The following FLNA variants were observed in gnomAD, a reference collection of about 807,000 sequenced individuals.
FLNA encodes filamin-A.
In FLNA, 7 loss-of-function variants were observed where a neutral mutation model predicts 157.6. That is an observed-to-expected ratio of 0.04 (90% CI 0.03 to 0.08). The LOEUF (loss-of-function observed/expected upper bound fraction) is 0.08, where lower values mean the gene tolerates loss of function less well. Among genes scored for constraint, FLNA ranks in the 10% least tolerant of loss-of-function variants. FLNA has a pLI of 1.00. For synonymous variants in FLNA, 1,103 were observed against 1,060.8 expected (o/e 1.04, Z -0.77); for missense variants, 1,750 against 2,398.4 (o/e 0.73, Z 5.65).
chrX:154,367,604 G>A (rs1557179576), intron 4 of FLNA, 37 bp downstream of exon 4: 11 of 1,209,048 alleles, frequency 9.1e-6, no homozygotes, highest in Admixed American at 6.5e-5. Context: ...CTGCCGATCC[G>A]GTCCCCTACA....
At chrX:154,367,573 G>C (rs782328693) in intron 4 of FLNA, 29 bp from the exon 5 acceptor site, 2 of 1,209,699 alleles carry the variant, frequency 1.7e-6, no homozygotes. Flanking sequence ...AGGAGCCATC[G>C]GGCCTCCGAG....
At chrX:154,363,897 A>G in intron 15 of FLNA, 125 bp downstream of exon 15, 1 of 704,388 alleles carries the variant, frequency 1.4e-6, no homozygotes, top group Admixed American at 2.2e-5. Flanking sequence ...AAAGCAGGTT[A>G]GTGGTCACCA....
chrX:154,359,618 G>A lies in FLNA; in HGVS notation c.4008C>T (p.Asp1336=), dbSNP rs782173575. ...AGGGGCTGCTGGGCACGGGACTGCC[G>A]TCATAGGTCACGTCCACGGAGTGCA... The part of the protein sequence containing the change: ...EGLHSVDVTY[D]GSPVPSSPFQ... The change falls in exon 24 of 48, where the codon GAC becomes GAT. Residue 1336 remains aspartate (D), a synonymous_variant. Coordinates refer to ENST00000369850, the MANE Select transcript of FLNA (RefSeq NM_001110556.2). The A allele has an allele frequency of 2.0e-5, 24 of 1,209,533 alleles. No homozygotes were observed. Among genetic ancestry groups the A allele is most frequent in the East Asian group, 5.9e-5 (2 of 33,764 alleles).
rs782806731 is a variant in FLNA, at chrX:154,354,260, C to T, written c.5448G>A (p.Ala1816=). ...CTTTGTTGTCAGTGATGGTGGGCTGCGCCACCTTGCCTGAGGGCATCCGAA... is the reference window on the plus strand; with the variant it reads ...CTTTGTTGTCAGTGATGGTGGGCTGTGCCACCTTGCCTGAGGGCATCCGAA... ...GEVRMPSGKV[A]QPTITDNKDG... is the part of the protein sequence containing the mutation. Residue 1816 remains alanine (A), a synonymous_variant, in exon 34 of 48, where the codon GCG becomes GCA. Transcript: ENST00000369850. The T allele has an allele frequency of 2.1e-5, 26 of 1,211,661 alleles. No individual in the cohort carries two copies. Among genetic ancestry groups the T allele is most frequent in the Admixed American group, 2.0e-4 (9 of 46,150 alleles).
intron 44 of FLNA, chrX:154,350,486 C>A (rs955747857): frequency 2.4e-5 from 10 of 415,591 alleles, no homozygotes; most frequent in Admixed American, 4.1e-5. Context: ...AACACCATAT[C>A]CCCTGCATGT....
Position 154,353,289 on chromosome X carries a change from C to T in FLNA, c.6022+7G>A, listed in dbSNP as rs782483397. On this transcript the variant is annotated splice_region_variant and intron_variant, in intron 37 of 47. Transcript: ENST00000369850. ...TTCTGAACCCCCTGGACCCTTCAGCCGCTTACCCACGTGGCCATTACGCAG... is the reference window on the plus strand; with the variant it reads ...TTCTGAACCCCCTGGACCCTTCAGCTGCTTACCCACGTGGCCATTACGCAG... 2.2e-5 allele frequency: 27 copies of T among 1,210,503 alleles called. No homozygotes were observed. In the East Asian group the frequency reaches 4.4e-4, roughly 20 times the overall value.
rs183221845 is a variant in FLNA at position 154,363,962 on chromosome X, G to A, written c.2280+60C>T. On this transcript the variant is annotated intron_variant, in intron 15 of 47. Transcript: ENST00000369850. ...TGTGCCACAACCACTTGAAATGGAC[G>A]AATCGTGTGCTACGTGAATGCTATC... is the stretch of plus-strand genomic sequence containing the variant. 4.7e-5 allele frequency: 55 copies of A among 1,158,142 alleles called. No homozygotes were observed. In the African/African-American group the frequency reaches 4.8e-4, roughly 10 times the overall value.
chrX:154,354,851 C>T lies in FLNA; in HGVS notation c.5191G>A (p.Val1731Met). The change falls in exon 31 of 48, where the codon GTG (valine) becomes ATG (methionine). Residue 1731 changes from valine to methionine, a missense_variant. Physicochemically the swap from Val to Met is conservative, Grantham distance 21. This residue lies in a region of FLNA where 970 missense variants were observed against 1,302.6 expected (regional missense o/e 0.74). Coordinates refer to ENST00000369850, the MANE Select transcript of FLNA (RefSeq NM_001110556.2). ...GTCACTTGGAAGGGGCTGTTGGGCA[C>T]GTGCTCGCCACCAAAGCGCACACAG... ...VICVRFGGEH[V>M]PNSPFQVTAL... 8.3e-7 allele frequency: 1 copy of T among 1,211,947 alleles called. No individual in the cohort carries two copies. The highest frequency in any genetic ancestry group is 1.1e-6 in the Non-Finnish European group (1 of 895,629).
At position 154,361,465 on chromosome X, in the gene FLNA, G is replaced by A; in HGVS notation, c.3050C>T (p.Pro1017Leu). ...CCCCAGGCCTGGCTCCACCTTGCAG[G>A]GCACCGCTGCACCCGAGGGGCCCAC... is the stretch of plus-strand genomic sequence containing the variant. ...KIVGPSGAAV[P>L]CKVEPGLGAD... Residue 1017 changes from proline to leucine, a missense_variant, in exon 21 of 48, where the codon CCC (proline) becomes CTC (leucine). Around this residue, in one of 5 missense-constraint regions of FLNA, gnomAD observed 648 missense variants for 805.8 expected, o/e 0.80. Transcript: ENST00000369850. 1 of 1,210,996 alleles carries A rather than the reference G, an allele frequency of 8.3e-7. No individual in the cohort carries two copies. The highest frequency in any genetic ancestry group is 1.1e-6 in the Non-Finnish European group (1 of 895,316).
In FLNA at chrX:154,357,267, G is replaced by A. The variant is rs782571260; in HGVS notation, c.4953C>T (p.Ile1651=). 5 of 1,210,818 alleles carry A rather than the reference G, an allele frequency of 4.1e-6. No individual in the cohort carries two copies. The highest frequency in any genetic ancestry group is 5.6e-6 in the Non-Finnish European group (5 of 894,880). Residue 1651 remains isoleucine (I), a synonymous_variant, in exon 30 of 48, where the codon ATC becomes ATT. Transcript: ENST00000369850. ...DASKCTVTVS[I]GGHGLGAGIG... The stretch of plus-strand genomic sequence containing the variant: ...GCAGCTTACCTAGCCCGTGACCTCC[G>A]ATTGACACTGAGGTGAGAGGGCAGA...
intron 2 of FLNA, 56 bp downstream of exon 2, chrX:154,370,817 G>A (rs1290128195): frequency 8.5e-7 from 1 of 1,178,721 alleles, no homozygotes; most frequent in Non-Finnish European, 1.1e-6. Flanking sequence ...CGGGGAGATG[G>A]AAGGACGCAC....
In FLNA at chrX:154,353,714, C is replaced by T; in HGVS notation, c.5700G>A (p.Leu1900=). 1 of 1,210,158 alleles carries T rather than the reference C, an allele frequency of 8.3e-7. No individual in the cohort carries two copies. Among genetic ancestry groups the T allele is most frequent in the Non-Finnish European group, 1.1e-6 (1 of 894,600 alleles). The change falls in exon 36 of 48, where the codon CTG becomes CTA. Residue 1900 remains leucine, a synonymous_variant. Coordinates refer to ENST00000369850, the MANE Select transcript of FLNA (RefSeq NM_001110556.2). ...CTGCTTTGGACGGGCCCTCAATGGC[C>T]AGAGACAGGCCCCCTGGAGAGAGCC... ...TKDAGEGGLS[L]AIEGPSKAEI... is the part of the protein sequence containing the mutation.
rs1291784347 is a variant in FLNA, at chrX:154,374,508, G to A, written c.-119C>T. On this transcript the variant is annotated splice_region_variant and 5_prime_UTR_variant, in exon 1 of 48. Coordinates refer to ENST00000369850, the MANE Select transcript of FLNA (RefSeq NM_001110556.2). ...AAGCCGGGCCGCGGAGACCTCACCT[G>A]CTGTTCCTGAGAGCGACCGGTGACC... 5 of 112,184 alleles carry A rather than the reference G, an allele frequency of 4.5e-5. No homozygotes were observed. The highest frequency in any genetic ancestry group is 1.6e-4 in the African/African-American group (5 of 30,999). 9.2% of individuals were successfully genotyped at this position (112,184 alleles called of 1,213,427 possible).
rs1286863443 is a variant in FLNA, at chrX:154,358,981, C to A, written c.4474+3G>T. On this transcript the variant is annotated splice_donor_region_variant and intron_variant, in intron 26 of 47. Transcript: ENST00000369850. ...CCCTGGCTCCAGGCATGCAAACACT[C>A]ACCTTTGGGCCCTTGCACTTTGACC... 9 of 1,209,448 alleles carry A rather than the reference C, an allele frequency of 7.4e-6. No homozygotes were observed. Among genetic ancestry groups the A allele is most frequent in the Non-Finnish European group, 1.0e-5 (9 of 894,969 alleles).
intron 8 of FLNA, 38 bp from the exon 9 acceptor site, chrX:154,366,262 G>C: frequency 2.5e-6 from 3 of 1,210,797 alleles, no homozygotes; most frequent in Non-Finnish European, 1.1e-6. Flanking sequence ...AGGCCCCAGT[G>C]CGGCTCTCCC....
Position 154,354,660 on chromosome X carries a change from G to A in FLNA, c.5269C>T (p.Leu1757=). The A allele has an allele frequency of 8.3e-7, 1 of 1,207,402 alleles. No individual in the cohort carries two copies. Among genetic ancestry groups the A allele is most frequent in the Non-Finnish European group, 1.1e-6 (1 of 893,454 alleles). ...SVQPPLRSQQ[L]APQYTYAQGG... ...TGGGCGTAGGTGTACTGTGGGGCCA[G>A]CTGCTGAGACCGTAGAGGGGGCTGC... The change falls in exon 32 of 48, where the codon CTG becomes TTG. Residue 1757 remains leucine (L), a synonymous_variant. Transcript: ENST00000369850.
intron 28 of FLNA, 39 bp from the exon 29 acceptor site, chrX:154,357,662 C>T (rs2067673633): frequency 4.3e-6 from 5 of 1,151,204 alleles, no homozygotes; most frequent in African/African-American, 1.8e-5. Flanking sequence ...GGCCCAAGCC[C>T]GAGTAGCCCC....
At chrX:154,363,540 T>C (rs923676937) in intron 15 of FLNA, among the ~76,000 whole-genome samples, 8 of 110,132 alleles carry the variant, frequency 7.3e-5, no homozygotes, top group East Asian at 2.8e-4. Flanking sequence ...CAGTGAAACC[T>C]TGTCTCTACT....
In FLNA at chrX:154,365,275, G is replaced by C. The variant is rs1443987478; in HGVS notation, c.1568-16C>G. ...TCCTCTCCCTCTGCCAAGACAAGGA[G>C]GGCCTCAGGCCTGCCCAGCAGTGAA... On this transcript the variant is annotated splice_polypyrimidine_tract_variant and intron_variant, in intron 10 of 47. Transcript: ENST00000369850. The C allele has an allele frequency of 2.1e-5, 26 of 1,210,759 alleles. No homozygotes were observed. Among genetic ancestry groups the C allele is most frequent in the Non-Finnish European group, 2.8e-5 (25 of 895,411 alleles).
Sources: allele counts gnomAD v4.1 joint callset (sites outside exome capture counted in the v4.1 genomes callset), GRCh38; gene constraint gnomAD v4.1.1; regional missense constraint gnomAD v4.1.1; transcripts MANE v1.5; gene names NCBI Gene and HGNC (gene_info 2026-07-23, HGNC 2026-07-21).